Variants in LRP2 observed in about 807,000 individuals in gnomAD.
LRP2 encodes the protein LDL receptor related protein 2, also known as low-density lipoprotein receptor-related protein 2.
In LRP2, 172 loss-of-function variants were observed where a neutral mutation model predicts 531.0. The ratio of observed to expected loss-of-function variants is 0.32; its 90% CI spans 0.29 to 0.37. The LOEUF (loss-of-function observed/expected upper bound fraction) is 0.37, where lower values mean the gene tolerates loss of function less well. Among genes scored for constraint, LRP2 ranks in the 10% least tolerant of loss-of-function variants. The pLI, the probability that LRP2 is intolerant of heterozygous loss-of-function variation, is 1.00. For synonymous variants in LRP2, 1,992 were observed against 2,027.6 expected (o/e 0.98, Z 0.47); for missense variants, 5,167 against 5,868.3 (o/e 0.88, Z 3.90).
At position 169,219,816 on chromosome 2, in the gene LRP2, A is replaced by AT. The variant is rs1004757814; in HGVS notation, c.5648+637dup. Among the ~76,000 whole-genome samples the AT allele has an allele frequency of 1.2e-3, 176 of 142,912 alleles. 3 individuals are homozygous for AT. The highest frequency in any genetic ancestry group is 3.7e-3 in the East Asian group (16 of 4,304). 93.8% of individuals were successfully genotyped at this position (142,912 alleles called of 152,430 possible). On this transcript the variant is annotated intron_variant, in intron 34 of 78. Transcript: ENST00000649046. ...CCCTATAACTAAAATAAAAGTTGAA[A>AT]TTTTTTAAAAAAAATCCCTACTTGC...
At chr2:169,183,180 C>G (rs1435356147) in intron 50 of LRP2, among the ~76,000 whole-genome samples, 2 of 152,172 alleles carry the variant, frequency 1.3e-5, no homozygotes, top group East Asian at 3.9e-4. Flanking sequence ...GAATGATTTC[C>G]CTTCCAAAAG....
intron 63 of LRP2, 107 bp downstream of exon 63, chr2:169,162,365 G>GTACAT (rs1330039656): frequency 2.3e-6 from 3 of 1,330,932 alleles, no homozygotes; most frequent in Non-Finnish European, 3.2e-6. Flanking sequence ...CAAGCAAAAA[G>GTACAT]TACATTAAGG....
At chr2:169,293,128 G>T (rs1158635620) in intron 6 of LRP2, among the ~76,000 whole-genome samples, 2 of 152,168 alleles carry the variant, frequency 1.3e-5, no homozygotes, top group African/African-American at 4.8e-5. Flanking sequence ...ACACCCTAAG[G>T]CATGGGTACC....
intron 42 of LRP2, among the ~76,000 whole-genome samples, chr2:169,203,760 A>C (rs922775284): frequency 6.6e-6 from 1 of 152,230 alleles, no homozygotes; most frequent in Non-Finnish European, 1.5e-5. Context: ...CCGTCTCAAA[A>C]ATAAAATAAA....
intron 33 of LRP2, among the ~76,000 whole-genome samples, chr2:169,224,959 T>C (rs1278793281): frequency 1.3e-5 from 2 of 151,898 alleles, no homozygotes; most frequent in African/African-American, 4.8e-5. Context: ...GGCTTGGTGG[T>C]GCACGCCTGT....
rs368022337 is a variant in LRP2, at chr2:169,206,847, T to C, written c.6873A>G (p.Ile2291Met). ...YGITVFENSI[I>M]WVDRNLKKIF... ...TCTTTTTCAAATTCCTATCTACCCA[T>C]ATGATAGAATTTTCAAAAACAGTGA... The change falls in exon 39 of 79, where the codon ATA (isoleucine) becomes ATG (methionine). Residue 2291 changes from isoleucine to methionine, a missense_variant. Ile to Met is a conservative substitution (Grantham distance 10). Transcript: ENST00000649046. The C allele has an allele frequency of 1.2e-6, 2 of 1,614,168 alleles. No homozygotes were observed. Among genetic ancestry groups the C allele is most frequent in the Non-Finnish European group, 8.5e-7 (1 of 1,180,030 alleles).
At chr2:169,202,694 A>G (rs1688241923) in intron 43 of LRP2, 62 bp downstream of exon 43, 1 of 1,534,740 alleles carries the variant, frequency 6.5e-7, no homozygotes, top group Admixed American at 1.7e-5. Context: ...AGGATTCCAT[A>G]CCAAACACTT....
In LRP2 at chr2:169,181,346, A is replaced by G. The variant is rs1687423018; in HGVS notation, c.10169+102T>C. 4 of 1,157,846 alleles carry G rather than the reference A, an allele frequency of 3.5e-6. No homozygotes were observed. The African/African-American group carries it at 4.5e-5, about 13-fold the overall frequency. 71.7% of individuals were successfully genotyped at this position (1,157,846 alleles called of 1,614,324 possible). A position where few individuals can be genotyped will look rare whatever the true frequency, so the allele number is the denominator to read the frequency against. On this transcript the variant is annotated intron_variant, in intron 52 of 78. Transcript: ENST00000649046. Reference sequence around the variant, plus strand: ...TTCCCCCGAATGACTTCCAACAGACAGGCCAGTTAGACAATAGAGGGGACT... The same window carrying G: ...TTCCCCCGAATGACTTCCAACAGACGGGCCAGTTAGACAATAGAGGGGACT...
intron 53 of LRP2, 136 bp downstream of exon 53, chr2:169,177,667 T>TTTCAGCATA: frequency 1.2e-6 from 1 of 818,844 alleles, no homozygotes; most frequent in Non-Finnish European, 2.2e-6. Context: ...TACTGTCAAC[T>TTTCAGCATA]TTCAGCATAT....
intron 1 of LRP2, among the ~76,000 whole-genome samples, chr2:169,349,018 C>T (rs952065207): frequency 1.3e-5 from 2 of 152,122 alleles, no homozygotes; most frequent in African/African-American, 4.8e-5. Flanking sequence ...GACATCTGTC[C>T]ATTCATTTAT....
chr2:169,238,271 A>C lies in LRP2; in HGVS notation c.4326T>G (p.Ser1442Arg), dbSNP rs761599525. The C allele has an allele frequency of 5.0e-6, 8 of 1,614,148 alleles. No homozygotes were observed. The highest frequency in any genetic ancestry group is 5.9e-6 in the Non-Finnish European group (7 of 1,179,984). The change falls in exon 27 of 79, where the codon AGT (serine) becomes AGG (arginine). Residue 1442 changes from serine to arginine, a missense_variant. Transcript: ENST00000649046. ...CACTGTCGGCAATAATTTTGTTCTGACTTGCCACAAGTAACAGCAGACTCT... is the reference window on the plus strand; with the variant it reads ...CACTGTCGGCAATAATTTTGTTCTGCCTTGCCACAAGTAACAGCAGACTCT... ...ASESLLLLVA[S>R]QNKIIADSVT...
intron 25 of LRP2, 142 bp downstream of exon 25, chr2:169,240,846 T>G (rs1039942298): frequency 7.5e-6 from 7 of 937,380 alleles, no homozygotes; most frequent in Middle Eastern, 2.9e-4. Flanking sequence ...TCAATTATGG[T>G]TACCCCCTAC....
intron 67 of LRP2, 75 bp downstream of exon 67, chr2:169,152,724 T>G: frequency 2.0e-6 from 3 of 1,526,348 alleles, no homozygotes. Context: ...GACTCACTCA[T>G]GGCCCATGGA....
chr2:169,138,376 G>A lies in LRP2; in HGVS notation c.13518+201C>T, dbSNP rs539489836. Among the ~76,000 whole-genome samples, 35 of 152,138 alleles carry A rather than the reference G, an allele frequency of 2.3e-4. No individual in the cohort carries two copies. In the East Asian group the frequency reaches 6.6e-3, roughly 28 times the overall value. On this transcript the variant is annotated intron_variant, in intron 75 of 78. Coordinates refer to ENST00000649046, the MANE Select transcript of LRP2 (RefSeq NM_004525.3). ...ATTCAACAGCGTGGCTTAGAGCAGG[G>A]GTAAATTCCAATGTTATTACCAATG...
chr2:169,138,429 T>C (rs1255588051), intron 75 of LRP2, 148 bp downstream of exon 75: 1 of 833,254 alleles, frequency 1.2e-6, no homozygotes, highest in African/African-American at 1.7e-5. Context: ...GCAACAAACC[T>C]AATGTTTCCT....
At chr2:169,146,512 T>C (rs889728632) in intron 69 of LRP2, among the ~76,000 whole-genome samples, 2 of 150,880 alleles carry the variant, frequency 1.3e-5, no homozygotes, top group Non-Finnish European at 3.0e-5. Context: ...CTGAGAAGCA[T>C]TTTTTTTTAA....
At chr2:169,236,300 A>G (rs1689602781) in intron 28 of LRP2, among the ~76,000 whole-genome samples, 1 of 152,210 alleles carries the variant, frequency 6.6e-6, no homozygotes, top group Non-Finnish European at 1.5e-5. Flanking sequence ...CATGTAATAC[A>G]TAATGTCATA....
chr2:169,188,219 A>C lies in LRP2; in HGVS notation c.9079T>G (p.Cys3027Gly). ...TTCTGTTGGCAAGTCTGGTATAAGC[A>C]GCCCCTCTCGTCGCTATAGTCACCA... ...DCGDYSDERG[C>G]LYQTCQQNQF... Residue 3027 changes from cysteine to glycine, a missense_variant, in exon 49 of 79, where the codon TGC becomes GGC. By Grantham distance (159) the Cys-to-Gly change is radical (BLOSUM62 -3). Around this residue, in one of 6 missense-constraint regions of LRP2, gnomAD observed 1,129 missense variants for 1,362.7 expected, o/e 0.83. Transcript: ENST00000649046. 1.2e-6 allele frequency: 2 copies of C among 1,614,132 alleles called. No homozygotes were observed. The highest frequency in any genetic ancestry group is 1.7e-6 in the Non-Finnish European group (2 of 1,180,020).
chr2:169,357,642 C>T (rs1315247073), intron 1 of LRP2, among the ~76,000 whole-genome samples: 1 of 152,050 alleles, frequency 6.6e-6, no homozygotes, highest in African/African-American at 2.4e-5. Context: ...GCACCTTCTA[C>T]TTTCTACTTA....
Sources: gnomAD v4.1 joint callset for allele counts (sites outside exome capture counted in the v4.1 genomes callset) on GRCh38, gnomAD v4.1.1 for gene constraint, gnomAD v4.1.1 regional missense constraint, MANE v1.5 for transcripts, NCBI Gene and HGNC (gene_info 2026-07-23, HGNC 2026-07-21) for gene names.